Variants in RBFOX1 observed in about 807,000 individuals in gnomAD.
The protein encoded by RBFOX1 is RNA binding fox-1 homolog 1, also known as RNA binding protein fox-1 homolog 1.
Under a neutral mutation model 57.7 loss-of-function variants are expected in RBFOX1, and 8 were observed. That is an observed-to-expected ratio of 0.14 (90% CI 0.08 to 0.25). RBFOX1 has a LOEUF of 0.25. Among genes scored for constraint, RBFOX1 ranks in the 10% least tolerant of loss-of-function variants. The pLI, the probability that RBFOX1 is intolerant of heterozygous loss-of-function variation, is 1.00. For synonymous variants in RBFOX1, 326 were observed against 222.4 expected, an observed-to-expected ratio of 1.47 and a Z score of -4.15; for missense variants, 611 against 548.5, an observed-to-expected ratio of 1.11 and a Z score of -1.14.
intron 3 of RBFOX1, among the ~76,000 whole-genome samples, chr16:6,932,503 G>C (rs2076725529): frequency 6.6e-6 from 1 of 152,154 alleles, no homozygotes; most frequent in East Asian, 1.9e-4. Flanking sequence ...CCTTCTTGAT[G>C]GATTACATCC....
At chr16:6,441,672 C>A (rs921354460) in intron 2 of RBFOX1, among the ~76,000 whole-genome samples, 1 of 152,162 alleles carries the variant, frequency 6.6e-6, no homozygotes, top group African/African-American at 2.4e-5. Context: ...CCCACTTTGG[C>A]CTCTCAAAGT....
At chr16:7,260,745 C>T (rs1445701272) in intron 4 of RBFOX1, among the ~76,000 whole-genome samples, 1 of 152,104 alleles carries the variant, frequency 6.6e-6, no homozygotes, top group Non-Finnish European at 1.5e-5. Context: ...TTACGAACTT[C>T]AGGATAGAAC....
chr16:7,585,360 C>G (rs368350928), intron 6 of RBFOX1, among the ~76,000 whole-genome samples: 113 of 152,284 alleles, frequency 7.4e-4, no homozygotes, highest in African/African-American at 2.5e-3. Context: ...ATTCTCTTGA[C>G]CAAAAGATCT....
At chr16:6,556,178 C>T (rs903040023) in intron 2 of RBFOX1, among the ~76,000 whole-genome samples, 4 of 152,236 alleles carry the variant, frequency 2.6e-5, no homozygotes, top group African/African-American at 4.8e-5. Context: ...TAAACGTGGG[C>T]GGCATTGACT....
chr16:6,758,498 G>A (rs545210955), intron 3 of RBFOX1, among the ~76,000 whole-genome samples: 1 of 152,178 alleles, frequency 6.6e-6, no homozygotes, highest in South Asian at 2.1e-4. Context: ...TAATTGACGT[G>A]AGAGTCCAGC....
chr16:7,349,013 G>C (rs1034178146), intron 4 of RBFOX1, among the ~76,000 whole-genome samples: 5 of 152,134 alleles, frequency 3.3e-5, no homozygotes, highest in Non-Finnish European at 7.3e-5. Context: ...GGAGGCTTCT[G>C]CTTTCAGATT....
chr16:6,095,863 G>T (rs1336431510), intron 1 of RBFOX1, among the ~76,000 whole-genome samples: 1 of 152,176 alleles, frequency 6.6e-6, no homozygotes, highest in East Asian at 1.9e-4. Flanking sequence ...CACAGTTAGT[G>T]AGAGAGTTGC....
At chr16:5,719,179 C>T (rs1487362493) in intron 3 of RBFOX1, among the ~76,000 whole-genome samples, 1 of 150,906 alleles carries the variant, frequency 6.6e-6, no homozygotes, top group East Asian at 2.0e-4. Context: ...TGGAAGGCTG[C>T]CACCCATACT....
At chr16:5,760,981 A>G (rs1207217957) in intron 3 of RBFOX1, among the ~76,000 whole-genome samples, 1 of 152,214 alleles carries the variant, frequency 6.6e-6, no homozygotes. Flanking sequence ...GGGTAATTGT[A>G]TGTTATGTAA....
At chr16:6,521,998 A>G (rs1487432863) in intron 2 of RBFOX1, among the ~76,000 whole-genome samples, 1 of 152,186 alleles carries the variant, frequency 6.6e-6, no homozygotes, top group Non-Finnish European at 1.5e-5. Flanking sequence ...GTTATCGACC[A>G]GCTTCTACAA....
At chr16:6,888,976 T>A (rs895878644) in intron 3 of RBFOX1, among the ~76,000 whole-genome samples, 3 of 152,190 alleles carry the variant, frequency 2.0e-5, no homozygotes, top group African/African-American at 7.2e-5. Flanking sequence ...ACACAGCTTT[T>A]CTGTTTCTTA....
At chr16:7,674,075 T>C (rs2072488061) in intron 13 of RBFOX1, among the ~76,000 whole-genome samples, 1 of 152,210 alleles carries the variant, frequency 6.6e-6, no homozygotes, top group African/African-American at 2.4e-5. Flanking sequence ...TATTTTTGTA[T>C]GTAAAGCAAT....
Position 7,275,701 on chromosome 16 carries a change from G to T in RBFOX1, c.27+223603G>T, listed in dbSNP as rs189467981. 1.7e-3 allele frequency among the ~76,000 whole-genome samples: 262 copies of T among 152,306 alleles called. 3 individuals carry two copies. Among genetic ancestry groups the T allele is most frequent in the African/African-American group, 6.3e-3 (260 of 41,560 alleles). On this transcript the variant is annotated intron_variant, in intron 4 of 15. Coordinates refer to ENST00000550418, the MANE Select transcript of RBFOX1 (RefSeq NM_018723.4). ...GACACACTCTCTCCCAGGATTATAG[G>T]TATGAGATTAATAGGCATTGTTTTG...
chr16:6,952,298 T>C (rs892775777), intron 3 of RBFOX1, among the ~76,000 whole-genome samples: 1 of 152,182 alleles, frequency 6.6e-6, no homozygotes, highest in African/African-American at 2.4e-5. Context: ...AAAGCTCTTG[T>C]GTGTGCAAAA....
At chr16:5,549,173 G>C (rs13333811) in intron 2 of RBFOX1, among the ~76,000 whole-genome samples, 5,333 of 152,282 alleles carry the variant, frequency 0.035, 338 homozygotes, top group African/African-American at 0.12. Context: ...GGTTGTTCCT[G>C]AGGCAGCCAT....
At chr16:7,577,439 G>A (rs1468464022) in intron 5 of RBFOX1, among the ~76,000 whole-genome samples, 2 of 152,110 alleles carry the variant, frequency 1.3e-5, no homozygotes, top group Non-Finnish European at 2.9e-5. Flanking sequence ...ATCTGCACAT[G>A]CACTGCCCTG....
chr16:6,833,585 T>C (rs750321206), intron 3 of RBFOX1, among the ~76,000 whole-genome samples: 2 of 152,186 alleles, frequency 1.3e-5, no homozygotes, highest in South Asian at 2.1e-4. Context: ...CCACTGCACT[T>C]ATACACCTGT....
chr16:7,530,495 A>C (rs983201280), intron 5 of RBFOX1, among the ~76,000 whole-genome samples: 4 of 150,906 alleles, frequency 2.7e-5, no homozygotes, highest in Non-Finnish European at 4.4e-5. Flanking sequence ...AAAGACTTCC[A>C]GACTTCTTAA....
chr16:5,997,504 TG>T (rs1369965834), intron 4 of RBFOX1, among the ~76,000 whole-genome samples: 10 of 152,326 alleles, frequency 6.6e-5, no homozygotes, highest in African/African-American at 2.4e-4. Flanking sequence ...GCAGATAATG[TG>T]GCACACACCT....
Sources: gnomAD v4.1 joint callset for allele counts (sites outside exome capture counted in the v4.1 genomes callset) on GRCh38, gnomAD v4.1.1 for gene constraint, MANE v1.5 for transcripts, NCBI Gene and HGNC (gene_info 2026-07-23, HGNC 2026-07-21) for gene names.